The following GFRA2 variants were observed in gnomAD, a reference collection of about 807,000 sequenced individuals.
The protein encoded by GFRA2 is GDNF family receptor alpha 2, also known as GDNF family receptor alpha-2.
A neutral mutation model predicts 48.3 loss-of-function variants in GFRA2; 17 were observed. The ratio of observed to expected loss-of-function variants is 0.35; its 90% CI spans 0.24 to 0.53. GFRA2 has a LOEUF of 0.53. Among genes scored for constraint, GFRA2 ranks in the 20% least tolerant of loss-of-function variants. The pLI, the probability that GFRA2 is intolerant of heterozygous loss-of-function variation, is 0.93. For missense variants in GFRA2, 660 were observed against 637.3 expected (o/e 1.04, Z -0.38); for synonymous variants, 305 against 257.2 (o/e 1.19, Z -1.78).
At chr8:21,809,972 T>C (rs1377299230) in intron 1 of GFRA2, among the ~76,000 whole-genome samples, 2 of 152,122 alleles carry the variant, frequency 1.3e-5, no homozygotes, top group Non-Finnish European at 2.9e-5. Flanking sequence ...TTGCTTCTCC[T>C]ACAGTCCTGG....
rs1344358255 is a variant in GFRA2 at position 21,706,108 on chromosome 8, G to A, written c.795-67C>T. On this transcript the variant is annotated intron_variant, in intron 4 of 8. Transcript: ENST00000524240. ...AGTCTAGCTGCCTTCTGTCTCCTCT[G>A]TCCTGCCAGTGGCATCTCCTCCCTG... The A allele has an allele frequency of 1.6e-5, 16 of 1,007,732 alleles. No homozygotes were observed. The Admixed American group carries it at 2.9e-4, about 18-fold the overall frequency. 62.4% of individuals were successfully genotyped at this position (1,007,732 alleles called of 1,614,324 possible).
chr8:21,725,665 A>AG (rs1803831902), intron 4 of GFRA2, among the ~76,000 whole-genome samples: 1 of 152,216 alleles, frequency 6.6e-6, no homozygotes, highest in Admixed American at 6.5e-5. Flanking sequence ...TGAGATACAC[A>AG]GGTAGTGCAA....
At position 21,782,837 on chromosome 8, in the gene GFRA2, G is replaced by C. The variant is rs1381807810; in HGVS notation, c.103C>G (p.Arg35Gly). The change falls in exon 2 of 9, where the codon CGC (arginine) becomes GGC (glycine). Residue 35 changes from arginine to glycine, a missense_variant. Transcript: ENST00000524240. Reference sequence around the variant, plus strand: ...GCCCGGACACAGTCCACTGGGGGGCGCCAGCCGTGGAGCTCGGGGCCCTGC... The same window carrying C: ...GCCCGGACACAGTCCACTGGGGGGCCCCAGCCGTGGAGCTCGGGGCCCTGC... ...SLQGPELHGW[R>G]PPVDCVRANE... is the part of the protein sequence containing the mutation. 6.4e-7 allele frequency: 1 copy of C among 1,569,938 alleles called. No individual in the cohort carries two copies. The highest frequency in any genetic ancestry group is 8.6e-7 in the Non-Finnish European group (1 of 1,164,690).
chr8:21,710,955 C>T (rs557157355), intron 4 of GFRA2, among the ~76,000 whole-genome samples: 11 of 152,300 alleles, frequency 7.2e-5, no homozygotes, highest in African/African-American at 2.6e-4. Context: ...TCTGCCCCTC[C>T]ACGTGTGATC....
intron 1 of GFRA2, among the ~76,000 whole-genome samples, chr8:21,786,194 C>T (rs1807260150): frequency 6.6e-6 from 1 of 152,176 alleles, no homozygotes; most frequent in Non-Finnish European, 1.5e-5. Flanking sequence ...TGGTCATCTC[C>T]CATGCACACA....
intron 3 of GFRA2, among the ~76,000 whole-genome samples, chr8:21,759,643 T>C (rs1043732938): frequency 6.6e-6 from 1 of 151,262 alleles, no homozygotes; most frequent in Non-Finnish European, 1.5e-5. Flanking sequence ...AACCCCAGCA[T>C]TTTGGGAGGC....
intron 2 of GFRA2, among the ~76,000 whole-genome samples, chr8:21,777,839 C>T (rs1329145785): frequency 6.6e-6 from 1 of 152,182 alleles, no homozygotes; most frequent in Non-Finnish European, 1.5e-5. Flanking sequence ...GGGAGGCCAT[C>T]TCACCCATCT....
chr8:21,775,339 A>G (rs1806642381), intron 2 of GFRA2, among the ~76,000 whole-genome samples: 3 of 152,202 alleles, frequency 2.0e-5, no homozygotes. Context: ...ACCACCCTGC[A>G]TGGCCAGCCC....
At chr8:21,784,443 C>A in intron 1 of GFRA2, 1 of 421,084 alleles carries the variant, frequency 2.4e-6, no homozygotes, top group Non-Finnish European at 4.9e-6. Flanking sequence ...CAGAATTCCC[C>A]ATCCCTACCC....
intron 4 of GFRA2, among the ~76,000 whole-genome samples, chr8:21,735,372 C>A (rs1452091101): frequency 3.3e-5 from 5 of 151,926 alleles, no homozygotes; most frequent in Admixed American, 2.6e-4. Context: ...AAACCAAGCC[C>A]CCCCCCAATC....
chr8:21,792,979 A>AC (rs1418687885), upstream of GFRA2, among the ~76,000 whole-genome samples: 1 of 152,198 alleles, frequency 6.6e-6, no homozygotes, highest in Non-Finnish European at 1.5e-5. Flanking sequence ...AGGCAGGAGA[A>AC]CCACGTGAAC....
intron 4 of GFRA2, among the ~76,000 whole-genome samples, chr8:21,748,185 C>G (rs1805105361): frequency 6.6e-6 from 1 of 152,166 alleles, no homozygotes; most frequent in Admixed American, 6.5e-5. Context: ...AGCCTCATTA[C>G]TGAGGTCGAG....
In GFRA2 at chr8:21,693,382, G is replaced by C. The variant is rs1033211676; in HGVS notation, c.1291C>G (p.Pro431Ala). The stretch of plus-strand genomic sequence containing the variant: ...GGTTTGATCACCTTGTTACTCCCTG[G>C]GATGATATTTGTCGTGAGCTGAGTC... Reference protein sequence around the residue: ...CFTELTTNIIPGSNKVIKPNS... With the variant: ...CFTELTTNIIAGSNKVIKPNS... The change falls in exon 9 of 9, where the codon CCA (proline) becomes GCA (alanine). Residue 431 changes from proline (P) to alanine (A), a missense_variant. Pro to Ala is a conservative substitution (Grantham distance 27). Transcript: ENST00000524240. 1.9e-6 allele frequency: 3 copies of C among 1,611,718 alleles called. No individual in the cohort carries two copies. In the South Asian group the frequency reaches 3.3e-5, roughly 18 times the overall value.
intron 3 of GFRA2, among the ~76,000 whole-genome samples, chr8:21,754,259 A>T: frequency 6.6e-6 from 1 of 152,220 alleles, no homozygotes; most frequent in East Asian, 1.9e-4. Flanking sequence ...TTTGACAGGC[A>T]GGTGCTATGC....
chr8:21,789,216 G>A (rs77316272), upstream of GFRA2: 9,546 of 153,906 alleles, frequency 0.062, 398 homozygotes, highest in South Asian at 0.091. Flanking sequence ...CTGACCTGCT[G>A]CCTTGGCCGG....
chr8:21,789,603 C>T (rs1255841074), upstream of GFRA2, among the ~76,000 whole-genome samples: 1 of 152,154 alleles, frequency 6.6e-6, no homozygotes, highest in African/African-American at 2.4e-5. Flanking sequence ...CCCTTCGGCG[C>T]CGGCCCCGCG....
intron 6 of GFRA2, among the ~76,000 whole-genome samples, chr8:21,704,114 C>T (rs934747898): frequency 2.0e-5 from 3 of 152,230 alleles, no homozygotes; most frequent in Non-Finnish European, 4.4e-5. Flanking sequence ...AGCAAGGCTA[C>T]GTGATTGGCA....
In GFRA2 at chr8:21,703,872, G is replaced by A. The variant is rs558607558; in HGVS notation, c.1046-895C>T. Among the ~76,000 whole-genome samples the A allele has an allele frequency of 7.9e-5, 12 of 152,314 alleles. No homozygotes were observed. The East Asian group carries it at 2.3e-3, about 29-fold the overall frequency. On this transcript the variant is annotated intron_variant, in intron 6 of 8. Coordinates refer to ENST00000524240, the MANE Select transcript of GFRA2 (RefSeq NM_001495.5). ...CCTCTCTGTGTCAGGTCACCTGTCA[G>A]AATTGATTCACTCTGACTCCCGCTG... is the stretch of plus-strand genomic sequence containing the variant.
At chr8:21,760,516 C>T (rs1311714934) in intron 3 of GFRA2, among the ~76,000 whole-genome samples, 4 of 152,152 alleles carry the variant, frequency 2.6e-5, no homozygotes, top group African/African-American at 9.7e-5. Flanking sequence ...ATGGAGATAT[C>T]ATTTCACGAA....
Sources: allele counts gnomAD v4.1 joint callset (sites outside exome capture counted in the v4.1 genomes callset), GRCh38; gene constraint gnomAD v4.1.1; transcripts MANE v1.5; gene names NCBI Gene and HGNC (gene_info 2026-07-23, HGNC 2026-07-21).